GFOD2: variants seen among roughly 807,000 people sequenced by gnomAD.
GFOD2 encodes glucose-fructose oxidoreductase domain-containing protein 2.
A neutral mutation model predicts 24.6 loss-of-function variants in GFOD2; 9 were observed. The observed-to-expected ratio is 0.37, with a 90% CI of 0.22 to 0.64. The LOEUF (loss-of-function observed/expected upper bound fraction) is 0.64, where lower values mean the gene tolerates loss of function less well. Ranked by LOEUF, GFOD2 falls within the 30% of genes least tolerant of loss-of-function variation. GFOD2 has a pLI of 0.65. For missense variants in GFOD2, 476 were observed against 532.5 expected (o/e 0.89, Z 1.04); for synonymous variants, 211 against 224.8 (o/e 0.94, Z 0.55).
intron 1 of GFOD2, among the ~76,000 whole-genome samples, chr16:67,701,559 G>A (rs930521175): frequency 1.3e-5 from 2 of 152,262 alleles, no homozygotes; most frequent in Admixed American, 1.3e-4. Context: ...AAAACTATAG[G>A]GACAAAGAGT....
At position 67,674,958 on chromosome 16, in the gene GFOD2, C is replaced by G. The variant is rs868441305; in HGVS notation, c.*197G>C. On this transcript the variant is annotated 3_prime_UTR_variant, in exon 3 of 3. Transcript: ENST00000268797. ...TGTGCACACCGTGGTAACCTGGCAA[C>G]AGGAACATTTGCCACCCTGCAAGTC... 5.1e-5 allele frequency: 32 copies of G among 628,866 alleles called. No homozygotes were observed. In the Middle Eastern group the frequency reaches 3.1e-3, roughly 61 times the overall value. The allele number at this position is 628,866 out of a possible 1,614,324, so 39.0% of individuals were successfully genotyped here.
Position 67,675,537 on chromosome 16 carries a change from C to A in GFOD2, c.776G>T (p.Arg259Leu). The A allele has an allele frequency of 6.2e-7, 1 of 1,613,072 alleles. No individual in the cohort carries two copies. The highest frequency in any genetic ancestry group is 1.1e-5 in the South Asian group (1 of 91,092). Residue 259 changes from arginine to leucine, a missense_variant, in exon 3 of 3, where the codon CGC (arginine) becomes CTC (leucine). Coordinates refer to ENST00000268797, the MANE Select transcript of GFOD2 (RefSeq NM_030819.4). ...HEVMVVGSAGRLVARGADLYG... is the reference protein window; with the variant it reads ...HEVMVVGSAGLLVARGADLYG... ...GAGGTCGGCTCCCCGGGCGACGAGG[C>A]GTCCTGCAGAGCCTACCACCATGAC...
At position 67,698,635 on chromosome 16, in the gene GFOD2, T is replaced by A. The variant is rs190434931; in HGVS notation, c.-87-12833A>T. ...CTGGGATTACAGGTGTGCGCCACCA[T>A]GCCCAGCTAATTTTTGCATTTTTAG... On this transcript the variant is annotated intron_variant, in intron 1 of 2. Transcript: ENST00000268797. 1.9e-4 allele frequency among the ~76,000 whole-genome samples: 29 copies of A among 152,270 alleles called. No homozygotes were observed. In the East Asian group the frequency reaches 4.4e-3, roughly 23 times the overall value.
chr16:67,691,300 C>G (rs976748548), intron 1 of GFOD2, among the ~76,000 whole-genome samples: 1 of 152,090 alleles, frequency 6.6e-6, no homozygotes. Context: ...CTCAACCTCA[C>G]AGGCTCAAGG....
At chr16:67,711,202 A>G (rs1414777783) in intron 1 of GFOD2, among the ~76,000 whole-genome samples, 1 of 152,236 alleles carries the variant, frequency 6.6e-6, no homozygotes, top group African/African-American at 2.4e-5. Context: ...TTGGTTGTAA[A>G]TCATACTACA....
intron 2 of GFOD2, chr16:67,682,689 C>T: frequency 2.0e-6 from 2 of 984,920 alleles, no homozygotes; most frequent in Non-Finnish European, 2.4e-6. Flanking sequence ...TTAGGAAAAA[C>T]TAATAATGAG....
At chr16:67,680,795 G>C in intron 2 of GFOD2, 1 of 960,098 alleles carries the variant, frequency 1.0e-6, no homozygotes, top group South Asian at 4.8e-5. Context: ...TTAAGTTCTA[G>C]GGTACATGTG....
intron 1 of GFOD2, among the ~76,000 whole-genome samples, chr16:67,693,044 A>C (rs937702265): frequency 1.1e-4 from 17 of 152,042 alleles, no homozygotes; most frequent in Admixed American, 8.5e-4. Flanking sequence ...ACAAAAACAA[A>C]AAAAAAAGGA....
intron 1 of GFOD2, among the ~76,000 whole-genome samples, chr16:67,699,291 G>A (rs1476105531): frequency 6.6e-6 from 1 of 151,968 alleles, no homozygotes; most frequent in Admixed American, 6.6e-5. Flanking sequence ...GCAGTGAGCT[G>A]AGATCGCACC....
intron 1 of GFOD2, among the ~76,000 whole-genome samples, chr16:67,716,928 T>G (rs929256870): frequency 6.6e-6 from 1 of 152,192 alleles, no homozygotes; most frequent in Non-Finnish European, 1.5e-5. Context: ...AAACAGAGTT[T>G]AGCTCTTGTC....
intron 1 of GFOD2, among the ~76,000 whole-genome samples, chr16:67,700,283 G>A (rs552199426): frequency 6.6e-6 from 1 of 151,886 alleles, no homozygotes; most frequent in South Asian, 2.1e-4. Context: ...GCTGAGGCAG[G>A]AGAACTGCTT....
chr16:67,709,765 C>T (rs1278410057), intron 1 of GFOD2, among the ~76,000 whole-genome samples: 1 of 152,022 alleles, frequency 6.6e-6, no homozygotes, highest in Non-Finnish European at 1.5e-5. Flanking sequence ...CAGGCACATG[C>T]CACCACACCC....
chr16:67,699,024 C>T (rs2053379261), intron 1 of GFOD2, among the ~76,000 whole-genome samples: 2 of 152,078 alleles, frequency 1.3e-5, no homozygotes, highest in South Asian at 4.1e-4. Context: ...GCACAAAAAT[C>T]CTCAACAAAA....
intron 1 of GFOD2, among the ~76,000 whole-genome samples, chr16:67,705,882 G>C (rs571162317): frequency 6.6e-6 from 1 of 150,452 alleles, no homozygotes; most frequent in Admixed American, 6.6e-5. Flanking sequence ...GGAGGTTGCA[G>C]TGAGCCGAGA....
rs1433783592 is a variant in GFOD2 at position 67,679,522 on chromosome 16, T to G, written c.260-3469A>C. ...AAGTGCTGGGGCGTGAGCCACCGCG[T>G]CGGCCCCAGGTAAATAATTTCTATG... On this transcript the variant is annotated intron_variant, in intron 2 of 2. Coordinates refer to ENST00000268797, the MANE Select transcript of GFOD2 (RefSeq NM_030819.4). 3.3e-5 allele frequency among the ~76,000 whole-genome samples: 5 copies of G among 152,216 alleles called. No homozygotes were observed. The East Asian group carries it at 9.7e-4, about 29-fold the overall frequency.
chr16:67,695,427 C>CTGT (rs141203887), intron 1 of GFOD2, among the ~76,000 whole-genome samples: 8,351 of 152,192 alleles, frequency 0.055, 664 homozygotes, highest in African/African-American at 0.18. Flanking sequence ...GCTATTTGGT[C>CTGT]ACTGTCTGCT....
chr16:67,703,179 G>A (rs535142017), intron 1 of GFOD2, among the ~76,000 whole-genome samples: 464 of 152,204 alleles, frequency 3.0e-3, no homozygotes, highest in Non-Finnish European at 4.8e-3. Flanking sequence ...TGAGGCGGGC[G>A]GATCACCTGA....
chr16:67,710,679 A>G (rs115507629), intron 1 of GFOD2, among the ~76,000 whole-genome samples: 9 of 152,292 alleles, frequency 5.9e-5, no homozygotes, highest in African/African-American at 1.9e-4. Context: ...CTTATTTTTA[A>G]AAGTGTTCAA....
intron 1 of GFOD2, 148 bp downstream of exon 1, chr16:67,719,015 G>A (rs906174290): frequency 6.6e-6 from 1 of 152,370 alleles, no homozygotes; most frequent in African/African-American, 2.4e-5. Context: ...CCTGCAGGCA[G>A]TTGGAACAAG....
Sources: allele counts gnomAD v4.1 joint callset (sites outside exome capture counted in the v4.1 genomes callset), GRCh38; gene constraint gnomAD v4.1.1; transcripts MANE v1.5; gene names NCBI Gene and HGNC (gene_info 2026-07-23, HGNC 2026-07-21).